EHBP1: variants seen among roughly 807,000 people sequenced by gnomAD.
The protein encoded by EHBP1 is EH domain binding protein 1, also known as EH domain-binding protein 1.
In EHBP1, 55 loss-of-function variants were observed where a neutral mutation model predicts 144.0. That is an observed-to-expected ratio of 0.38 (90% CI 0.31 to 0.48). The LOEUF (loss-of-function observed/expected upper bound fraction) is 0.48, where lower values mean the gene tolerates loss of function less well. EHBP1 is among the 20% of genes least tolerant of loss of function. The probability of loss-of-function intolerance (pLI) is 0.98; values close to 1 mark genes in which losing one functional copy is unlikely to be tolerated. For missense variants in EHBP1, 1,200 were observed against 1,364.2 expected (o/e 0.88, Z 1.90); for synonymous variants, 469 against 472.7 (o/e 0.99, Z 0.10).
intron 10 of EHBP1, among the ~76,000 whole-genome samples, chr2:62,892,864 T>C (rs947555924): frequency 6.6e-6 from 1 of 152,142 alleles, no homozygotes; most frequent in Non-Finnish European, 1.5e-5. Context: ...TCCATATTAA[T>C]TATATTTGAA....
rs552862075 is a variant in EHBP1 at position 62,844,727 on chromosome 2, C to T, written c.634+13569C>T. On this transcript the variant is annotated intron_variant, in intron 7 of 22. Coordinates refer to ENST00000431489, the MANE Select transcript of EHBP1 (RefSeq NM_001142616.3). Reference sequence around the variant, plus strand: ...AATCAAGTTCAACTGAAGCAGTTTACAGTAAGCATTGTTAAGAGAACTCAG... The same window carrying T: ...AATCAAGTTCAACTGAAGCAGTTTATAGTAAGCATTGTTAAGAGAACTCAG... 5.3e-5 allele frequency among the ~76,000 whole-genome samples: 8 copies of T among 152,260 alleles called. No homozygotes were observed. In the South Asian group the frequency reaches 1.7e-3, roughly 32 times the overall value.
intron 10 of EHBP1, among the ~76,000 whole-genome samples, chr2:62,936,197 A>G (rs1475524688): frequency 1.3e-5 from 2 of 152,154 alleles, no homozygotes; most frequent in African/African-American, 4.8e-5. Flanking sequence ...CCTTGAATAA[A>G]TGTTTGGTGG....
intron 7 of EHBP1, among the ~76,000 whole-genome samples, chr2:62,840,126 G>C (rs2047679020): frequency 6.7e-6 from 1 of 150,250 alleles, no homozygotes; most frequent in South Asian, 2.1e-4. Context: ...GCATGGTACT[G>C]GTACCAAAAC....
chr2:62,862,433 A>C (rs2152805031), intron 8 of EHBP1, among the ~76,000 whole-genome samples: 1 of 152,038 alleles, frequency 6.6e-6, no homozygotes, highest in South Asian at 2.1e-4. Flanking sequence ...ACAGGGTGAA[A>C]CCTCATCTCT....
intron 7 of EHBP1, among the ~76,000 whole-genome samples, chr2:62,838,314 C>G (rs2047473866): frequency 6.6e-6 from 1 of 152,058 alleles, no homozygotes; most frequent in Non-Finnish European, 1.5e-5. Flanking sequence ...CACAACATAC[C>G]ACAATCTCTG....
chr2:62,860,346 C>A (rs765285283), intron 8 of EHBP1, among the ~76,000 whole-genome samples: 5 of 152,100 alleles, frequency 3.3e-5, no homozygotes, highest in African/African-American at 4.8e-5. Context: ...AAAAAGTTAG[C>A]TGAGCATGGT....
chr2:62,733,441 TGGTGGTAA>T (rs2037807315), intron 2 of EHBP1, among the ~76,000 whole-genome samples: 1 of 152,184 alleles, frequency 6.6e-6, no homozygotes, highest in South Asian at 2.1e-4. Context: ...CCTACTGATA[TGGTGGTAA>T]GGTGTGGAGG....
intron 3 of EHBP1, among the ~76,000 whole-genome samples, chr2:62,754,994 C>T (rs1384849587): frequency 1.3e-5 from 2 of 152,162 alleles, no homozygotes; most frequent in African/African-American, 2.4e-5. Context: ...CACCCACTGT[C>T]CTGCACCCAC....
In EHBP1 at chr2:62,919,929, A is replaced by C. The variant is rs1035236396; in HGVS notation, c.1186-22789A>C. On this transcript the variant is annotated intron_variant, in intron 10 of 22. Transcript: ENST00000431489. ...CATATTTGAGCAGGCAGAAGAGAGAATCATAGGACAATAAAAGTTAAGGTT... is the reference window on the plus strand; with the variant it reads ...CATATTTGAGCAGGCAGAAGAGAGACTCATAGGACAATAAAAGTTAAGGTT... 5.3e-5 allele frequency among the ~76,000 whole-genome samples: 8 copies of C among 152,312 alleles called. No individual in the cohort carries two copies. In the South Asian group the frequency reaches 1.0e-3, roughly 20 times the overall value.
At chr2:62,828,236 G>A (rs1421593020) in intron 6 of EHBP1, among the ~76,000 whole-genome samples, 1 of 152,142 alleles carries the variant, frequency 6.6e-6, no homozygotes, top group Non-Finnish European at 1.5e-5. Context: ...CAAAGAAACA[G>A]TATCTTAATT....
At chr2:62,889,001 TAAAC>T (rs1350222160) in intron 10 of EHBP1, among the ~76,000 whole-genome samples, 8 of 145,130 alleles carry the variant, frequency 5.5e-5, no homozygotes, top group African/African-American at 2.0e-4. Context: ...ACTTGGCACT[TAAAC>T]AAACCGAAGA....
At chr2:62,781,853 T>C (rs2042444738) in intron 5 of EHBP1, among the ~76,000 whole-genome samples, 1 of 152,230 alleles carries the variant, frequency 6.6e-6, no homozygotes, top group African/African-American at 2.4e-5. Flanking sequence ...AAAAATAAGC[T>C]ATATCAGCTG....
chr2:62,795,806 T>G (rs1000724852), intron 5 of EHBP1, among the ~76,000 whole-genome samples: 4 of 152,090 alleles, frequency 2.6e-5, no homozygotes, highest in Non-Finnish European at 4.4e-5. Context: ...TGTGGGTCAG[T>G]GTTCCTGGAT....
intron 7 of EHBP1, among the ~76,000 whole-genome samples, chr2:62,832,215 C>G (rs970942664): frequency 1.6e-4 from 24 of 152,044 alleles, no homozygotes; most frequent in African/African-American, 5.8e-4. Context: ...CTTATTCATT[C>G]AAATAAAATT....
intron 2 of EHBP1, among the ~76,000 whole-genome samples, chr2:62,720,750 G>C (rs2036146534): frequency 6.6e-6 from 1 of 152,064 alleles, no homozygotes; most frequent in South Asian, 2.1e-4. Flanking sequence ...CCAATCTTTT[G>C]GTTTCCCTGG....
At chr2:62,766,823 G>T (rs1203698991) in intron 4 of EHBP1, among the ~76,000 whole-genome samples, 5 of 151,848 alleles carry the variant, frequency 3.3e-5, no homozygotes, top group Admixed American at 6.6e-5. Flanking sequence ...CATTTATTTG[G>T]ATTTAGAACT....
intron 2 of EHBP1, among the ~76,000 whole-genome samples, chr2:62,738,411 C>G (rs1313049284): frequency 6.6e-6 from 1 of 152,138 alleles, no homozygotes; most frequent in East Asian, 1.9e-4. Context: ...CCTTCCCGCA[C>G]CTTCCCTTAT....
chr2:62,973,793 A>G lies in EHBP1; in HGVS notation c.2461-5395A>G, dbSNP rs990889622. On this transcript the variant is annotated intron_variant, in intron 14 of 22. Coordinates refer to ENST00000431489, the MANE Select transcript of EHBP1 (RefSeq NM_001142616.3). Reference sequence around the variant, plus strand: ...GGTGCGTGGATCACTGGAGCCCATGAGTTTGAGACCAGCCTGGGCAACATG... The same window carrying G: ...GGTGCGTGGATCACTGGAGCCCATGGGTTTGAGACCAGCCTGGGCAACATG... Among the ~76,000 whole-genome samples the G allele has an allele frequency of 2.6e-5, 4 of 152,130 alleles. No individual in the cohort carries two copies. The East Asian group carries it at 7.7e-4, about 29-fold the overall frequency.
At chr2:62,859,065 T>G in intron 7 of EHBP1, 104 bp from the exon 8 acceptor site, 2 of 1,104,386 alleles carry the variant, frequency 1.8e-6, no homozygotes, top group Non-Finnish European at 2.6e-6. Context: ...TACTATTATT[T>G]GCAGGTATTA....
Sources: allele counts gnomAD v4.1 joint callset (sites outside exome capture counted in the v4.1 genomes callset), GRCh38; gene constraint gnomAD v4.1.1; transcripts MANE v1.5; gene names NCBI Gene and HGNC (gene_info 2026-07-23, HGNC 2026-07-21).